KLKB1: variants seen among roughly 807,000 people sequenced by gnomAD.
KLKB1 encodes the protein kallikrein B1.
A neutral mutation model predicts 73.6 loss-of-function variants in KLKB1; 58 were observed. The ratio of observed to expected loss-of-function variants is 0.79; its 90% CI spans 0.64 to 0.98. KLKB1 has a LOEUF of 0.98. KLKB1 is among the 50% of genes least tolerant of loss of function. KLKB1 has a pLI of 0.00. For synonymous variants in KLKB1, 280 were observed against 258.1 expected (o/e 1.08, Z -0.81); for missense variants, 737 against 763.8 (o/e 0.96, Z 0.41).
At chr4:186,211,862 A>G (rs1182688885) in intron 2 of KLKB1, 3 of 152,156 alleles carry the variant, frequency 2.0e-5, no homozygotes, top group Admixed American at 6.5e-5. Flanking sequence ...AGGTTCTGTT[A>G]CAGTTTTTCT....
chr4:186,251,348 A>G lies in KLKB1; in HGVS notation c.868+20A>G, dbSNP rs781360894. The stretch of plus-strand genomic sequence containing the variant: ...TACCTGGTAATGTGATTTGATAATA[A>G]TATTACATAAAATGTAACCTATTTC... On this transcript the variant is annotated intron_variant, in intron 8 of 14. Transcript: ENST00000264690. The G allele has an allele frequency of 9.7e-6, 15 of 1,541,446 alleles. No individual in the cohort carries two copies. The South Asian group carries it at 1.5e-4, about 15-fold the overall frequency.
chr4:186,252,131 G>C lies in KLKB1; in HGVS notation c.1259G>C (p.Gly420Ala). The change falls in exon 11 of 15, where the codon GGA (glycine) becomes GCA (alanine). Residue 420 changes from glycine (G) to alanine (A), a missense_variant. Transcript: ENST00000264690. ...CTGACAGCTCAGAGGCACCTGTGTG[G>C]AGGGTCACTCATAGGACACCAGTGG... is the stretch of plus-strand genomic sequence containing the variant. ...VKLTAQRHLC[G>A]GSLIGHQWVL... 1.2e-6 allele frequency: 2 copies of C among 1,614,000 alleles called. No homozygotes were observed. Among genetic ancestry groups the C allele is most frequent in the Non-Finnish European group, 1.7e-6 (2 of 1,180,034 alleles).
At chr4:186,243,648 T>G (rs983902886) in intron 6 of KLKB1, among the ~76,000 whole-genome samples, 3 of 152,166 alleles carry the variant, frequency 2.0e-5, no homozygotes, top group Non-Finnish European at 4.4e-5. Flanking sequence ...AGAACCCTTG[T>G]GTAGTGAGGA....
intron 6 of KLKB1, among the ~76,000 whole-genome samples, chr4:186,247,352 A>G (rs568088811): frequency 6.7e-6 from 1 of 149,802 alleles, no homozygotes; most frequent in South Asian, 2.1e-4. Flanking sequence ...GACGTTTTAT[A>G]GGATTTGGGT....
chr4:186,241,858 A>G (rs936376339), intron 6 of KLKB1, among the ~76,000 whole-genome samples: 7 of 152,230 alleles, frequency 4.6e-5, no homozygotes, highest in Middle Eastern at 3.2e-3. Context: ...CTTGGCCAAA[A>G]TATCTATAAA....
intron 4 of KLKB1, among the ~76,000 whole-genome samples, chr4:186,234,803 A>G (rs777450730): frequency 8.5e-5 from 13 of 152,234 alleles, no homozygotes; most frequent in Non-Finnish European, 1.5e-4. Flanking sequence ...TAAATTTAAG[A>G]CAAATGAACT....
At chr4:186,232,062 A>T (rs950489839) in intron 2 of KLKB1, 65 bp from the exon 3 acceptor site, 4 of 1,331,112 alleles carry the variant, frequency 3.0e-6, no homozygotes, top group Non-Finnish European at 4.2e-6. Context: ...TTAAGACAAC[A>T]GATATCTTTT....
In KLKB1 at chr4:186,228,186, CTT is replaced by C. The variant is rs764249026; in HGVS notation, c.-1-4_-1-3del. On this transcript the variant is annotated splice_region_variant and splice_polypyrimidine_tract_variant and intron_variant, in intron 1 of 14. Transcript: ENST00000264690. ...AACCAGCAGAGTTATGTATTGTTTT[CTT>C]TTTTAGAATGATTTTATTCAAGCAA... The C allele has an allele frequency of 1.0e-5, 15 of 1,496,370 alleles. No homozygotes were observed. The highest frequency in any genetic ancestry group is 1.4e-5 in the African/African-American group (1 of 72,746). 92.7% of individuals were successfully genotyped at this position (1,496,370 alleles called of 1,614,324 possible).
Position 186,258,346 on chromosome 4 carries a change from A to C in KLKB1, c.*134A>C. On this transcript the variant is annotated 3_prime_UTR_variant, in exon 15 of 15. Transcript: ENST00000264690. ...TAAGGACGAAAAACACAGTGCACTCAGAGCTGCTGAGGACAATGTCTGGCT... is the reference window on the plus strand; with the variant it reads ...TAAGGACGAAAAACACAGTGCACTCCGAGCTGCTGAGGACAATGTCTGGCT... 1 of 810,158 alleles carries C rather than the reference A, an allele frequency of 1.2e-6. No individual in the cohort carries two copies. The highest frequency in any genetic ancestry group is 2.7e-5 in the East Asian group (1 of 37,612). The allele number at this position is 810,158 out of a possible 1,614,324, so 50.2% of individuals were successfully genotyped here.
Position 186,250,036 on chromosome 4 carries a change from G to A in KLKB1, c.599-207G>A, listed in dbSNP as rs553375307. Among the ~76,000 whole-genome samples, 8 of 152,272 alleles carry A rather than the reference G, an allele frequency of 5.3e-5. No homozygotes were observed. In the South Asian group the frequency reaches 6.2e-4, roughly 12 times the overall value. Reference sequence around the variant, plus strand: ...GCACAGCTTTTATTTCTCTGAAATAGGAATTTGCCCCTTAGAGTTAGACCA... The same window carrying A: ...GCACAGCTTTTATTTCTCTGAAATAAGAATTTGCCCCTTAGAGTTAGACCA... On this transcript the variant is annotated intron_variant, in intron 6 of 14. Transcript: ENST00000264690.
chr4:186,240,462 G>A (rs1423771900), intron 6 of KLKB1, among the ~76,000 whole-genome samples: 1 of 152,144 alleles, frequency 6.6e-6, no homozygotes, highest in African/African-American at 2.4e-5. Flanking sequence ...ACTCTACCAG[G>A]GGTAGGGAAA....
Position 186,258,138 on chromosome 4 carries a change from G to A in KLKB1, c.1843G>A (p.Ala615Thr), listed in dbSNP as rs751164684. ...GCAACCTGGTGTCTACACCAAAGTC[G>A]CTGAGTACATGGACTGGATTTTAGA... ...REQPGVYTKV[A>T]EYMDWILEKT... Residue 615 changes from alanine to threonine, a missense_variant, in exon 15 of 15, where the codon GCT becomes ACT. Coordinates refer to ENST00000264690, the MANE Select transcript of KLKB1 (RefSeq NM_000892.5). 15 of 1,614,186 alleles carry A rather than the reference G, an allele frequency of 9.3e-6. No homozygotes were observed. In the Middle Eastern group the frequency reaches 8.2e-4, roughly 89 times the overall value.
At chr4:186,218,921 C>A (rs774003874) in intron 2 of KLKB1, among the ~76,000 whole-genome samples, 9 of 152,172 alleles carry the variant, frequency 5.9e-5, no homozygotes, top group Non-Finnish European at 1.2e-4. Context: ...GCAAGAAAGT[C>A]AACAGTGCAG....
chr4:186,234,139 T>C, intron 4 of KLKB1, 81 bp downstream of exon 4: 1 of 1,055,998 alleles, frequency 9.5e-7, no homozygotes, highest in Non-Finnish European at 1.5e-6. Flanking sequence ...TTTGTACTGC[T>C]ACAGCTTTTT....
intron 2 of KLKB1, among the ~76,000 whole-genome samples, 166 bp from the exon 3 acceptor site, chr4:186,231,961 T>C (rs1737415304): frequency 1.3e-5 from 2 of 152,248 alleles, no homozygotes; most frequent in Non-Finnish European, 2.9e-5. Context: ...CACTATACAT[T>C]GTTCAAATAG....
chr4:186,218,015 A>G (rs763181862), intron 2 of KLKB1, among the ~76,000 whole-genome samples: 7 of 152,226 alleles, frequency 4.6e-5, no homozygotes, highest in Non-Finnish European at 1.0e-4. Flanking sequence ...CTCTGTAGCA[A>G]CTTCTTAACT....
At chr4:186,257,086 T>C (rs1739041308) in intron 13 of KLKB1, 140 bp from the exon 14 acceptor site, 4 of 470,512 alleles carry the variant, frequency 8.5e-6, no homozygotes, top group African/African-American at 2.0e-5. Flanking sequence ...TTATGAAAAA[T>C]ACACTGCTCT....
intron 2 of KLKB1, among the ~76,000 whole-genome samples, chr4:186,229,941 T>G (rs891180288): frequency 1.9e-4 from 28 of 149,808 alleles, no homozygotes; most frequent in Admixed American, 7.3e-4. Context: ...GACTCTTATG[T>G]TTTTTTTTTC....
intron 6 of KLKB1, 44 bp from the exon 7 acceptor site, chr4:186,250,199 T>G: frequency 6.3e-7 from 1 of 1,578,230 alleles, no homozygotes; most frequent in Non-Finnish European, 8.7e-7. Flanking sequence ...AAATTTAGCC[T>G]CATGTCATTT....
Sources: allele counts gnomAD v4.1 joint callset (sites outside exome capture counted in the v4.1 genomes callset), GRCh38; gene constraint gnomAD v4.1.1; transcripts MANE v1.5; gene names NCBI Gene and HGNC (gene_info 2026-07-23, HGNC 2026-07-21).